Variants in DLGAP1 observed in about 807,000 individuals in gnomAD.
The protein encoded by DLGAP1 is DLG associated protein 1, also known as disks large-associated protein 1.
DLGAP1 carries 11 observed loss-of-function variants against 90.8 expected under a neutral mutation model. The observed-to-expected ratio is 0.12, with a 90% confidence interval of 0.08 to 0.20. The LOEUF is 0.20. DLGAP1 is among the 10% of genes least tolerant of loss of function. The pLI is 1.00. For synonymous variants in DLGAP1, 558 were observed against 540.7 expected, an observed-to-expected ratio of 1.03 and a Z score of -0.44; for missense variants, 1,050 against 1,333.8, an observed-to-expected ratio of 0.79 and a Z score of 3.31.
At chr18:4,105,997 A>C (rs370498567) in intron 2 of DLGAP1, among the ~76,000 whole-genome samples, 4 of 136,870 alleles carry the variant, frequency 2.9e-5, no homozygotes, top group South Asian at 2.5e-4. Context: ...GCGCCACTGC[A>C]CTCCAGCCTG....
intron 5 of DLGAP1, among the ~76,000 whole-genome samples, chr18:3,780,807 A>G (rs769253716): frequency 6.6e-6 from 1 of 152,044 alleles, no homozygotes; most frequent in Non-Finnish European, 1.5e-5. Flanking sequence ...GGATTTATTT[A>G]TATATTTTTT....
rs2083920834 is a variant in DLGAP1 at position 4,454,449 on chromosome 18, T to C, written c.-267+557A>G. Among the ~76,000 whole-genome samples the C allele has an allele frequency of 6.6e-6, 1 of 152,178 alleles. No homozygotes were observed. Among genetic ancestry groups the C allele is most frequent in the African/African-American group, 2.4e-5 (1 of 41,448 alleles). On this transcript the variant is annotated intron_variant, in intron 1 of 12. Coordinates refer to ENST00000315677, the MANE Select transcript of DLGAP1 (RefSeq NM_004746.4). This position sits in a 1 kb window ranked among gnomAD's most constrained non-coding sequence, Gnocchi z 4.7. ...CTCTGTGCCTGTCTTTGTGTCTCTG[T>C]TTCTTTGGCTTTCTCTTACAAACGC...
chr18:3,567,937 C>T (rs923634248), intron 8 of DLGAP1, among the ~76,000 whole-genome samples: 1 of 152,004 alleles, frequency 6.6e-6, no homozygotes, highest in Non-Finnish European at 1.5e-5. Flanking sequence ...TTCCCTCTGT[C>T]GCCCGGGCTG....
At chr18:3,671,134 T>C (rs1171356933) in intron 7 of DLGAP1, among the ~76,000 whole-genome samples, 1 of 151,790 alleles carries the variant, frequency 6.6e-6, no homozygotes, top group East Asian at 1.9e-4. Flanking sequence ...CTTCTTTTAA[T>C]TACTCAAAAT....
At chr18:3,623,687 G>A (rs149047341) in intron 7 of DLGAP1, among the ~76,000 whole-genome samples, 1,889 of 148,096 alleles carry the variant, frequency 0.013, 41 homozygotes, top group African/African-American at 0.041. Flanking sequence ...TGAGGCAGGA[G>A]AATCGCTTGA....
chr18:3,596,547 T>C (rs984855201), intron 7 of DLGAP1: 5 of 222,116 alleles, frequency 2.3e-5, no homozygotes, highest in Non-Finnish European at 2.5e-5. Context: ...TATTCTCTGT[T>C]AGGAGAACTT....
At chr18:4,425,237 A>G (rs576089483) in intron 1 of DLGAP1, among the ~76,000 whole-genome samples, 1 of 152,358 alleles carries the variant, frequency 6.6e-6, no homozygotes, top group East Asian at 1.9e-4. Context: ...GCAAAGCAAC[A>G]TACTTTACAT....
intron 4 of DLGAP1, among the ~76,000 whole-genome samples, chr18:3,824,413 C>T (rs183471311): frequency 6.6e-6 from 1 of 152,230 alleles, no homozygotes; most frequent in Non-Finnish European, 1.5e-5. Flanking sequence ...TATACACACC[C>T]AACTACTTGT....
chr18:3,503,893 C>T (rs138979331), intron 11 of DLGAP1, among the ~76,000 whole-genome samples: 1,926 of 152,216 alleles, frequency 0.013, 42 homozygotes, highest in African/African-American at 0.039. Flanking sequence ...GTCAGGAGTT[C>T]GAGACCAGCC....
chr18:4,276,636 G>GAA (rs148054224), intron 1 of DLGAP1, among the ~76,000 whole-genome samples: 19 of 143,920 alleles, frequency 1.3e-4, no homozygotes, highest in African/African-American at 3.3e-4. Flanking sequence ...ACACCAGCTT[G>GAA]AAAAAAAAAA....
intron 8 of DLGAP1, among the ~76,000 whole-genome samples, chr18:3,572,789 T>C (rs951615678): frequency 2.0e-5 from 3 of 152,206 alleles, no homozygotes; most frequent in African/African-American, 7.2e-5. Context: ...ATCATGTTGA[T>C]ACTTGGAATG....
chr18:4,325,613 T>A (rs2080800107), intron 1 of DLGAP1, among the ~76,000 whole-genome samples: 1 of 152,122 alleles, frequency 6.6e-6, no homozygotes, highest in Non-Finnish European at 1.5e-5. Flanking sequence ...AACTTCAAAC[T>A]ATACTATAGG....
At chr18:4,214,284 G>T (rs1473804331) in intron 1 of DLGAP1, among the ~76,000 whole-genome samples, 3 of 151,570 alleles carry the variant, frequency 2.0e-5, no homozygotes, top group Non-Finnish European at 4.4e-5. Context: ...ACTGATCAGG[G>T]CATACAGATA....
Position 3,659,856 on chromosome 18 carries a change from G to A in DLGAP1, c.1591+69279C>T, listed in dbSNP as rs118080873. 9.5e-3 allele frequency among the ~76,000 whole-genome samples: 1,447 copies of A among 152,220 alleles called. 68 individuals carry two copies. The East Asian group carries it at 0.16, about 17-fold the overall frequency. On this transcript the variant is annotated intron_variant, in intron 7 of 12. Transcript: ENST00000315677. ...TGGGATTACACGCATGAGCCACCGC[G>A]CCCGGCCTATTTCCCTATTTCTTCT...
chr18:4,088,930 T>C (rs572195659), intron 2 of DLGAP1, among the ~76,000 whole-genome samples: 14 of 152,288 alleles, frequency 9.2e-5, no homozygotes, highest in Non-Finnish European at 1.3e-4. Flanking sequence ...CTATTCAACA[T>C]AGTGTTGGAA....
At chr18:4,322,309 T>C (rs1267276360) in intron 1 of DLGAP1, among the ~76,000 whole-genome samples, 1 of 146,432 alleles carries the variant, frequency 6.8e-6, no homozygotes, top group Non-Finnish European at 1.5e-5. Flanking sequence ...ACAAAGGGAG[T>C]GGAATAGGAG....
intron 1 of DLGAP1, among the ~76,000 whole-genome samples, chr18:4,415,719 G>GT (rs1246855840): frequency 2.0e-5 from 3 of 152,182 alleles, no homozygotes; most frequent in Admixed American, 2.0e-4. Context: ...CTTGGGCTAA[G>GT]TTTTTTTACT....
At chr18:3,674,484 C>T (rs1369275706) in intron 7 of DLGAP1, among the ~76,000 whole-genome samples, 1 of 151,094 alleles carries the variant, frequency 6.6e-6, no homozygotes, top group Admixed American at 6.6e-5. Context: ...GCTGGGCGCA[C>T]TGGTGCATAC....
At chr18:3,949,563 A>G (rs540189771) in intron 3 of DLGAP1, among the ~76,000 whole-genome samples, 7 of 152,080 alleles carry the variant, frequency 4.6e-5, no homozygotes, top group Non-Finnish European at 7.4e-5. Context: ...TGCCTTCCTC[A>G]CAGGACCCTG....
Sources: allele counts gnomAD v4.1 joint callset (sites outside exome capture counted in the v4.1 genomes callset), GRCh38; gene constraint gnomAD v4.1.1; non-coding constraint Gnocchi (gnomAD v3.1); transcripts MANE v1.5; gene names NCBI Gene and HGNC (gene_info 2026-07-23, HGNC 2026-07-21).